GRHL3: variants seen among roughly 807,000 people sequenced by gnomAD.
GRHL3 encodes the protein grainyhead like transcription factor 3.
In GRHL3, 20 loss-of-function variants were observed where a neutral mutation model predicts 70.3. The observed-to-expected ratio is 0.28, with a 90% CI of 0.20 to 0.41. GRHL3 has a LOEUF of 0.41. Among genes scored for constraint, GRHL3 ranks in the 10% least tolerant of loss-of-function variants. The pLI, the probability that GRHL3 is intolerant of heterozygous loss-of-function variation, is 1.00. For synonymous variants in GRHL3, 299 were observed against 299.9 expected (o/e 1.00, Z 0.03); for missense variants, 637 against 762.3 (o/e 0.84, Z 1.94).
At chr1:24,343,932 G>C (rs1220860475) in intron 11 of GRHL3, among the ~76,000 whole-genome samples, 2 of 152,222 alleles carry the variant, frequency 1.3e-5, no homozygotes, top group Admixed American at 6.5e-5. Flanking sequence ...GCAGAGCACT[G>C]TCTGTGTCCC....
At chr1:24,360,232 G>C (rs1641013053), downstream of GRHL3, among the ~76,000 whole-genome samples, 2 of 152,186 alleles carry the variant, frequency 1.3e-5, no homozygotes, top group Non-Finnish European at 2.9e-5. Flanking sequence ...ACCAGTTGAG[G>C]TCAGGAGTTC....
Position 24,338,011 on chromosome 1 carries a change from T to C in GRHL3, c.860T>C (p.Phe287Ser). 1 of 1,609,928 alleles carries C rather than the reference T, an allele frequency of 6.2e-7. No homozygotes were observed. The highest frequency in any genetic ancestry group is 8.5e-7 in the Non-Finnish European group (1 of 1,178,010). Residue 287 changes from phenylalanine to serine, a missense_variant, in exon 7 of 16, where the codon TTC becomes TCC. By Grantham distance (155) the Phe-to-Ser change is radical. Coordinates refer to ENST00000361548, the MANE Select transcript of GRHL3 (RefSeq NM_198173.3). ...TTGCAGAGTGTGGTGATGGTTGTCT[T>C]CGACAATGAGAAGGTCCCAGTAGAG... ...NKVKSVVMVV[F>S]DNEKVPVEQL...
At chr1:24,349,762 T>C (rs1361763173) in intron 14 of GRHL3, among the ~76,000 whole-genome samples, 1 of 152,190 alleles carries the variant, frequency 6.6e-6, no homozygotes, top group African/African-American at 2.4e-5. Flanking sequence ...ATAGGAAGGC[T>C]TATACTAGGA....
downstream of GRHL3, among the ~76,000 whole-genome samples, chr1:24,355,915 T>C (rs1026330740): frequency 7.4e-6 from 1 of 135,480 alleles, no homozygotes; most frequent in East Asian, 2.0e-4. Context: ...TTTTTTTTTT[T>C]CTTGCGATGG....
Position 24,337,120 on chromosome 1 carries a change from C to G in GRHL3, c.655C>G (p.Pro219Ala), listed in dbSNP as rs752861672. 1.2e-6 allele frequency: 2 copies of G among 1,614,128 alleles called. No individual in the cohort carries two copies. Among genetic ancestry groups the G allele is most frequent in the Non-Finnish European group, 1.7e-6 (2 of 1,179,986 alleles). ...PDILKTSPEP[P>A]CPEDYPSLKS... ...TATCCTGAAAACCTCCCCGGAACCC[C>G]CATGTCCAGAGGACTACCCCAGCCT... The change falls in exon 5 of 16, where the codon CCA becomes GCA. Residue 219 changes from proline (P) to alanine (A), a missense_variant. Around this residue, in one of 2 missense-constraint regions of GRHL3, gnomAD observed 387 missense variants for 513.8 expected, o/e 0.75. Transcript: ENST00000361548.
At chr1:24,362,173 T>C (rs1641165840) in intron 15 of GRHL3, among the ~76,000 whole-genome samples, 1 of 152,232 alleles carries the variant, frequency 6.6e-6, no homozygotes, top group Admixed American at 6.5e-5. Flanking sequence ...TCCTGGCCAC[T>C]GGGGCACTAC....
chr1:24,339,312 C>A (rs557784700), intron 7 of GRHL3, among the ~76,000 whole-genome samples: 1 of 147,390 alleles, frequency 6.8e-6, no homozygotes, highest in Non-Finnish European at 1.5e-5. Context: ...GTCTCGCTCT[C>A]TCACCCAGGC....
exon 16 of GRHL3, chr1:24,364,357 G>A (rs1641317310): frequency 6.5e-7 from 1 of 1,542,882 alleles, no homozygotes; most frequent in Non-Finnish European, 8.7e-7. Flanking sequence ...GCACTTCACT[G>A]TAAACTCGGA....
chr1:24,343,040 G>A lies in GRHL3; in HGVS notation c.1419+15G>A, dbSNP rs1317649155. 6.2e-7 allele frequency: 1 copy of A among 1,613,908 alleles called. No homozygotes were observed. The highest frequency in any genetic ancestry group is 8.5e-7 in the Non-Finnish European group (1 of 1,179,902). ...GCTCTGGAGGGGTGAGGCCAGGGCT[G>A]GGGTCTCGGGAAGGAGCCGAGAGAG... is the stretch of plus-strand genomic sequence containing the variant. On this transcript the variant is annotated intron_variant, in intron 11 of 15. Transcript: ENST00000361548.
At position 24,363,389 on chromosome 1, in the gene GRHL3, A is replaced by G. The variant is rs139633859; in HGVS notation, c.1695-796A>G. Among the ~76,000 whole-genome samples the G allele has an allele frequency of 2.5e-3, 380 of 152,292 alleles. 1 individual carries two copies. Among genetic ancestry groups the G allele is most frequent in the African/African-American group, 8.6e-3 (358 of 41,556 alleles). ...GGAATCCAGGCAGTTCTGTACTAAGACACGGACTTGAGTGTCCTTAAGGGC... is the reference window on the plus strand; with the variant it reads ...GGAATCCAGGCAGTTCTGTACTAAGGCACGGACTTGAGTGTCCTTAAGGGC... On this transcript the variant is annotated intron_variant, in intron 15 of 15. Transcript: ENST00000350501.
At chr1:24,330,794 G>T (rs1639574631) in intron 1 of GRHL3, among the ~76,000 whole-genome samples, 1 of 152,168 alleles carries the variant, frequency 6.6e-6, no homozygotes, top group African/African-American at 2.4e-5. Context: ...CCAGTACCCG[G>T]GTCCTTCCTG....
At chr1:24,329,800 C>T (rs934727467) in intron 1 of GRHL3, among the ~76,000 whole-genome samples, 1 of 152,192 alleles carries the variant, frequency 6.6e-6, no homozygotes, top group Non-Finnish European at 1.5e-5. Context: ...CCAGTGCCCA[C>T]TTCATCTCTG....
At chr1:24,351,230 C>A (rs1640491587) in intron 15 of GRHL3, among the ~76,000 whole-genome samples, 1 of 152,222 alleles carries the variant, frequency 6.6e-6, no homozygotes, top group African/African-American at 2.4e-5. Flanking sequence ...GAAGACTTTG[C>A]AAAGCGAGGC....
At chr1:24,364,333 A>G in exon 16 of GRHL3, 1 of 1,549,216 alleles carries the variant, frequency 6.5e-7, no homozygotes, top group Non-Finnish European at 8.7e-7. Context: ...CAGCCCCACC[A>G]CCGTCAACAG....
chr1:24,335,829 G>T (rs915133123), intron 3 of GRHL3, among the ~76,000 whole-genome samples: 2 of 152,060 alleles, frequency 1.3e-5, no homozygotes, highest in Non-Finnish European at 2.9e-5. Context: ...TGATCCGCCC[G>T]CCTCGGCCTC....
rs150121138 is a variant in GRHL3 at position 24,334,366 on chromosome 1, C to T, written c.205-279C>T. 2.8e-3 allele frequency among the ~76,000 whole-genome samples: 431 copies of T among 152,114 alleles called. No homozygotes were observed. The highest frequency in any genetic ancestry group is 0.01 in the Middle Eastern group (3 of 294). ...ACATGGCGGCAGCAAGGAAAAGTCC[C>T]GAGCGAAAGGGAGAAAGCCCTCTTA... On this transcript the variant is annotated intron_variant, in intron 2 of 15. Transcript: ENST00000361548. This position sits in a 1 kb window ranked among gnomAD's most constrained non-coding sequence, Gnocchi z 4.3.
At chr1:24,364,044 C>T in intron 15 of GRHL3, 1 of 1,268,418 alleles carries the variant, frequency 7.9e-7, no homozygotes, top group African/African-American at 1.5e-5. Flanking sequence ...TGTCCTGCTG[C>T]TTCCGTTTTA....
At chr1:24,350,937 C>T (rs925641960) in intron 15 of GRHL3, among the ~76,000 whole-genome samples, 32 of 152,160 alleles carry the variant, frequency 2.1e-4, no homozygotes, top group African/African-American at 7.7e-4. Context: ...GACATCAGTC[C>T]CCTGGTCAGA....
Position 24,322,402 on chromosome 1 carries a change from A to G in GRHL3, c.17+2834A>G, listed in dbSNP as rs1466732613. ...GGAGCGCTGAAAGAGTTAATCAGGA[A>G]CGCCTCCCCGCTGTGGTTTTGTGGT... On this transcript the variant is annotated intron_variant, in intron 1 of 15. Transcript: ENST00000361548. This position sits in a 1 kb window ranked among gnomAD's most constrained non-coding sequence, Gnocchi z 4.4. Among the ~76,000 whole-genome samples the G allele has an allele frequency of 6.6e-6, 1 of 152,114 alleles. No homozygotes were observed. The highest frequency in any genetic ancestry group is 1.5e-5 in the Non-Finnish European group (1 of 68,006).
Sources: allele counts gnomAD v4.1 joint callset (sites outside exome capture counted in the v4.1 genomes callset), GRCh38; gene constraint gnomAD v4.1.1; regional missense constraint gnomAD v4.1.1; non-coding constraint Gnocchi (gnomAD v3.1); transcripts MANE v1.5; gene names NCBI Gene and HGNC (gene_info 2026-07-23, HGNC 2026-07-21).